CADM2: variants seen among roughly 807,000 people sequenced by gnomAD.
The protein encoded by CADM2 is immunoglobulin superfamily member 4D.
Under a neutral mutation model 49.8 loss-of-function variants are expected in CADM2, and 12 were observed. The ratio of observed to expected loss-of-function variants is 0.24; its 90% CI spans 0.15 to 0.39. The LOEUF (loss-of-function observed/expected upper bound fraction) is 0.39, where lower values mean the gene tolerates loss of function less well. CADM2 is among the 10% of genes least tolerant of loss of function. CADM2 has a pLI of 1.00. For synonymous variants in CADM2, 214 were observed against 175.4 expected, an observed-to-expected ratio of 1.22 and a Z score of -1.74; for missense variants, 378 against 492.3, an observed-to-expected ratio of 0.77 and a Z score of 2.20.
intron 7 of CADM2, among the ~76,000 whole-genome samples, chr3:85,940,023 C>CA (rs10717960): frequency 5.6e-4 from 83 of 146,958 alleles, no homozygotes; most frequent in East Asian, 1.4e-3. Flanking sequence ...TTAACAACAA[C>CA]AAAAAAAAAA....
At chr3:85,100,191 T>C (rs2037958826) in intron 1 of CADM2, among the ~76,000 whole-genome samples, 1 of 152,330 alleles carries the variant, frequency 6.6e-6, no homozygotes, top group Non-Finnish European at 1.5e-5. Flanking sequence ...CTTCAGTATC[T>C]AAATATTCTT....
At chr3:85,562,679 T>G (rs1010504032) in intron 1 of CADM2, among the ~76,000 whole-genome samples, 1 of 152,046 alleles carries the variant, frequency 6.6e-6, no homozygotes, top group Non-Finnish European at 1.5e-5. Flanking sequence ...TCTATTCACC[T>G]TTTTCTTTGG....
intron 1 of CADM2, among the ~76,000 whole-genome samples, chr3:85,035,013 G>A (rs1158893465): frequency 6.6e-6 from 1 of 151,798 alleles, no homozygotes; most frequent in Non-Finnish European, 1.5e-5. Flanking sequence ...ATGTTGGCCA[G>A]GCTGGTCTCG....
intron 8 of CADM2, among the ~76,000 whole-genome samples, chr3:85,968,746 T>C (rs796185429): frequency 4.0e-5 from 6 of 151,770 alleles, no homozygotes; most frequent in African/African-American, 1.4e-4. Context: ...ACAGAGCTCT[T>C]CTACCCAAGT....
At chr3:85,598,920 A>C (rs1334026492) in intron 1 of CADM2, among the ~76,000 whole-genome samples, 3 of 151,832 alleles carry the variant, frequency 2.0e-5, no homozygotes, top group African/African-American at 7.2e-5. Flanking sequence ...GTCAAAAGGC[A>C]TTATCAATAT....
chr3:86,019,571 T>G (rs1429672872), intron 8 of CADM2, among the ~76,000 whole-genome samples: 7 of 149,718 alleles, frequency 4.7e-5, no homozygotes, highest in Admixed American at 1.3e-4. Flanking sequence ...TGGTTTGTAG[T>G]TCTCCTTGAA....
chr3:85,635,217 T>C (rs1369575252), intron 1 of CADM2, among the ~76,000 whole-genome samples: 1 of 152,150 alleles, frequency 6.6e-6, no homozygotes, highest in African/African-American at 2.4e-5. Flanking sequence ...GATCACATCA[T>C]GCCTGATGCA....
At chr3:85,926,176 A>ATAAC (rs1485949650) in intron 6 of CADM2, among the ~76,000 whole-genome samples, 1 of 149,708 alleles carries the variant, frequency 6.7e-6, no homozygotes, top group Non-Finnish European at 1.5e-5. Flanking sequence ...AAATAAATAA[A>ATAAC]TAGAAAATAG....
intron 1 of CADM2, among the ~76,000 whole-genome samples, chr3:85,638,946 A>G (rs1424504430): frequency 6.6e-6 from 1 of 152,148 alleles, no homozygotes; most frequent in Non-Finnish European, 1.5e-5. Context: ...AAGAAGAAGA[A>G]AAGAGACGAG....
intron 1 of CADM2, among the ~76,000 whole-genome samples, chr3:85,718,537 A>C (rs886254212): frequency 3.9e-5 from 6 of 152,204 alleles, no homozygotes; most frequent in Admixed American, 1.3e-4. Context: ...GAAATATAGC[A>C]TAAGAAAAAG....
intron 3 of CADM2, among the ~76,000 whole-genome samples, chr3:85,838,164 G>A (rs1388411271): frequency 2.6e-5 from 4 of 151,842 alleles, no homozygotes; most frequent in Non-Finnish European, 5.9e-5. Flanking sequence ...CTAAAGTCCA[G>A]TGTGTGGGAT....
intron 1 of CADM2, among the ~76,000 whole-genome samples, chr3:85,438,220 C>CA (rs2037024048): frequency 1.3e-5 from 2 of 151,966 alleles, no homozygotes; most frequent in Admixed American, 6.6e-5. Context: ...ATGATCTTAA[C>CA]AAAAAAATTT....
At position 85,694,288 on chromosome 3, in the gene CADM2, A is replaced by G. The variant is rs575306954; in HGVS notation, c.62-32234A>G. 2.0e-5 allele frequency among the ~76,000 whole-genome samples: 3 copies of G among 152,364 alleles called. No homozygotes were observed. The South Asian group carries it at 6.2e-4, about 32-fold the overall frequency. On this transcript the variant is annotated intron_variant, in intron 1 of 9. Coordinates refer to ENST00000383699, the MANE Select transcript of CADM2 (RefSeq NM_001167675.2). ...GAGATAGGACCTTTAGGAGGAAATT[A>G]AGATTAAATGAAATCATAAGGATGG...
chr3:85,689,562 A>G (rs1388292040), intron 1 of CADM2, among the ~76,000 whole-genome samples: 1 of 152,190 alleles, frequency 6.6e-6, no homozygotes, highest in Non-Finnish European at 1.5e-5. Flanking sequence ...TTATTGAGGG[A>G]TGGGTTAAAT....
chr3:85,098,941 G>T (rs749251750), intron 1 of CADM2, among the ~76,000 whole-genome samples: 2 of 152,060 alleles, frequency 1.3e-5, no homozygotes, highest in African/African-American at 2.4e-5. Flanking sequence ...TCCTTCTTGG[G>T]CACACTACTA....
chr3:85,070,832 A>G (rs1377418721), intron 1 of CADM2, among the ~76,000 whole-genome samples: 2 of 151,912 alleles, frequency 1.3e-5, no homozygotes, highest in African/African-American at 4.8e-5. Context: ...TACCAAAAAT[A>G]TAAAAAAATA....
intron 1 of CADM2, among the ~76,000 whole-genome samples, chr3:85,104,390 C>A (rs2038129823): frequency 6.6e-6 from 1 of 152,042 alleles, no homozygotes; most frequent in African/African-American, 2.4e-5. Context: ...GGGCTCTGTT[C>A]TGTTCCATTG....
At chr3:85,419,832 C>T (rs1322079956) in intron 1 of CADM2, among the ~76,000 whole-genome samples, 1 of 152,092 alleles carries the variant, frequency 6.6e-6, no homozygotes, top group Non-Finnish European at 1.5e-5. Flanking sequence ...GGTTTTCAAA[C>T]TTTGGTGTGC....
At chr3:85,126,941 G>A (rs1361653258) in intron 1 of CADM2, among the ~76,000 whole-genome samples, 2 of 152,118 alleles carry the variant, frequency 1.3e-5, no homozygotes, top group Non-Finnish European at 2.9e-5. Flanking sequence ...GCAAATAGGT[G>A]TATGGTATGT....
Sources: gnomAD v4.1 joint callset for allele counts (sites outside exome capture counted in the v4.1 genomes callset) on GRCh38, gnomAD v4.1.1 for gene constraint, MANE v1.5 for transcripts, NCBI Gene and HGNC (gene_info 2026-07-23, HGNC 2026-07-21) for gene names.